Variants in HPSE2 observed in about 807,000 individuals in gnomAD.
The protein encoded by HPSE2 is inactive heparanase-2.
In HPSE2, 38 loss-of-function variants were observed where a neutral mutation model predicts 60.5. The ratio of observed to expected loss-of-function variants is 0.63; its 90% confidence interval spans 0.48 to 0.82. The LOEUF (loss-of-function observed/expected upper bound fraction) is 0.82. HPSE2 is among the 40% of genes least tolerant of loss of function. HPSE2 has a pLI of 0.00. For synonymous variants in HPSE2, 295 were observed against 293.2 expected (o/e 1.01, Z -0.06); for missense variants, 713 against 740.4 (o/e 0.96, Z 0.43).
At chr10:99,292,486 T>A in the HPSE2 span, among the ~76,000 whole-genome samples, 1 of 152,100 alleles carries the variant, frequency 6.6e-6, no homozygotes, top group Non-Finnish European at 1.5e-5. Context: ...CTGTGGTAGG[T>A]GCTAGGTATT....
chr10:98,767,823 A>T (rs1373819822), intron 3 of HPSE2, among the ~76,000 whole-genome samples: 13 of 146,370 alleles, frequency 8.9e-5, no homozygotes, highest in Admixed American at 2.1e-4. Flanking sequence ...CTTATTTAAT[A>T]TATATTACTA....
chr10:99,265,503 G>A, the HPSE2 span, among the ~76,000 whole-genome samples: 2 of 152,152 alleles, frequency 1.3e-5, no homozygotes, highest in East Asian at 3.8e-4. Context: ...CCTAGGTGAC[G>A]GGATGATCAG....
At chr10:98,889,630 A>G (rs1406572966) in intron 3 of HPSE2, among the ~76,000 whole-genome samples, 1 of 152,212 alleles carries the variant, frequency 6.6e-6, no homozygotes, top group East Asian at 1.9e-4. Context: ...GGATGATAAC[A>G]AAGTGTATTG....
At chr10:99,199,227 A>G (rs1175004272) in intron 2 of HPSE2, among the ~76,000 whole-genome samples, 2 of 152,064 alleles carry the variant, frequency 1.3e-5, no homozygotes, top group Non-Finnish European at 2.9e-5. Context: ...AAGTATCTTA[A>G]TTTTTTAAGG....
At chr10:99,105,929 A>G (rs955785874) in intron 3 of HPSE2, among the ~76,000 whole-genome samples, 5 of 152,092 alleles carry the variant, frequency 3.3e-5, no homozygotes, top group Admixed American at 6.6e-5. Flanking sequence ...ATCATAAGCG[A>G]TTATTGCAAA....
intron 9 of HPSE2, among the ~76,000 whole-genome samples, chr10:98,542,566 G>A (rs1943509055): frequency 6.6e-6 from 1 of 151,996 alleles, no homozygotes. Context: ...AGGCAAAGAA[G>A]TTGAAAACTT....
At chr10:98,735,947 G>A (rs961544138) in intron 4 of HPSE2, among the ~76,000 whole-genome samples, 4 of 152,056 alleles carry the variant, frequency 2.6e-5, no homozygotes, top group Admixed American at 2.6e-4. Context: ...AAGACTTTGG[G>A]GTACTGTTGG....
intron 5 of HPSE2, among the ~76,000 whole-genome samples, chr10:98,719,938 T>C (rs984821257): frequency 6.6e-6 from 1 of 151,470 alleles, no homozygotes; most frequent in African/African-American, 2.4e-5. Context: ...GAGATGGAGG[T>C]TGCAGTGAGC....
intron 3 of HPSE2, among the ~76,000 whole-genome samples, chr10:98,956,879 G>A (rs1480924829): frequency 6.6e-6 from 1 of 152,168 alleles, no homozygotes; most frequent in Non-Finnish European, 1.5e-5. Flanking sequence ...AGGATCTGGA[G>A]ACGAAAGGTT....
intron 7 of HPSE2, among the ~76,000 whole-genome samples, chr10:98,624,236 G>A (rs992026150): frequency 4.6e-5 from 7 of 152,162 alleles, no homozygotes; most frequent in Non-Finnish European, 8.8e-5. Context: ...ACAAAACAGA[G>A]TAACACGGTA....
At chr10:98,538,974 C>T (rs758575631) in intron 9 of HPSE2, among the ~76,000 whole-genome samples, 23 of 152,146 alleles carry the variant, frequency 1.5e-4, no homozygotes, top group Non-Finnish European at 3.1e-4. Context: ...TCTAAATTGT[C>T]CATAGGTAGC....
At chr10:98,548,685 G>A (rs984098902) in intron 9 of HPSE2, among the ~76,000 whole-genome samples, 1 of 152,020 alleles carries the variant, frequency 6.6e-6, no homozygotes. Context: ...GGGAACAAGT[G>A]CTGACATAGG....
At chr10:99,240,674 A>C (rs1365044031), upstream of HPSE2, among the ~76,000 whole-genome samples, 1 of 152,162 alleles carries the variant, frequency 6.6e-6, no homozygotes, top group African/African-American at 2.4e-5. Context: ...GGCTTCCAAA[A>C]GTGCTGAGAT....
intron 9 of HPSE2, among the ~76,000 whole-genome samples, chr10:98,568,841 T>G (rs1944418398): frequency 6.6e-6 from 1 of 152,190 alleles, no homozygotes; most frequent in African/African-American, 2.4e-5. Flanking sequence ...TCCTAATTCC[T>G]GGCAATCTAC....
intron 6 of HPSE2, among the ~76,000 whole-genome samples, chr10:98,652,649 T>C (rs1238677496): frequency 2.0e-5 from 3 of 152,200 alleles, no homozygotes; most frequent in African/African-American, 4.8e-5. Flanking sequence ...CTCCAGGCAG[T>C]GCAACCCTTC....
At chr10:99,043,370 G>A (rs1957785895) in intron 3 of HPSE2, among the ~76,000 whole-genome samples, 1 of 152,160 alleles carries the variant, frequency 6.6e-6, no homozygotes, top group South Asian at 2.1e-4. Flanking sequence ...TGTAGTTCCA[G>A]CTACTAGGGA....
chr10:98,827,466 A>T (rs773507950), intron 3 of HPSE2, among the ~76,000 whole-genome samples: 13 of 152,280 alleles, frequency 8.5e-5, no homozygotes, highest in Non-Finnish European at 1.8e-4. Context: ...TCGGCCTCCC[A>T]AAGTACTGGG....
chr10:99,099,339 G>A (rs1843849226), intron 3 of HPSE2, among the ~76,000 whole-genome samples: 1 of 152,240 alleles, frequency 6.6e-6, no homozygotes. Context: ...CACACCAGGA[G>A]ATTATATCCC....
At chr10:98,485,884 T>C (rs1045694844) in intron 10 of HPSE2, among the ~76,000 whole-genome samples, 2 of 150,662 alleles carry the variant, frequency 1.3e-5, no homozygotes, top group Non-Finnish European at 3.0e-5. Context: ...CCTTGGAGAC[T>C]GCAGAAGAGA....
Sources: allele counts gnomAD v4.1 joint callset (sites outside exome capture counted in the v4.1 genomes callset), GRCh38; gene constraint gnomAD v4.1.1; transcripts MANE v1.5; gene names NCBI Gene and HGNC (gene_info 2026-07-23, HGNC 2026-07-21).